Variants in THSD7A observed in about 807,000 individuals in gnomAD.
THSD7A encodes the protein thrombospondin type-1 domain-containing protein 7A.
In THSD7A, 96 loss-of-function variants were observed where a neutral mutation model predicts 231.3. The observed-to-expected ratio is 0.41, with a 90% CI of 0.35 to 0.49. The LOEUF is 0.49. Ranked by LOEUF, THSD7A falls within the 20% of genes least tolerant of loss-of-function variation. The pLI is 0.05. For missense variants in THSD7A, 2,290 were observed against 2,070.2 expected, an observed-to-expected ratio of 1.11 and a Z score of -2.06; for synonymous variants, 940 against 743.3, an observed-to-expected ratio of 1.26 and a Z score of -4.30.
intron 1 of THSD7A, among the ~76,000 whole-genome samples, chr7:11,806,903 A>G (rs1377531877): frequency 6.6e-6 from 1 of 152,050 alleles, no homozygotes; most frequent in Non-Finnish European, 1.5e-5. Context: ...TCCACTGCTA[A>G]CCTCAGACCT....
intron 17 of THSD7A, among the ~76,000 whole-genome samples, chr7:11,416,740 G>T (rs890796408): frequency 6.6e-6 from 1 of 152,116 alleles, no homozygotes; most frequent in South Asian, 2.1e-4. Context: ...GTTTTACAAA[G>T]GTGCCCATGG....
chr7:11,524,417 T>C (rs1416465893), intron 6 of THSD7A, among the ~76,000 whole-genome samples: 1 of 152,182 alleles, frequency 6.6e-6, no homozygotes, highest in Non-Finnish European at 1.5e-5. Flanking sequence ...CATGTACAGT[T>C]TTTAGAAAAA....
Position 11,373,262 on chromosome 7 carries a change from C to A in THSD7A, c.*2532G>T, listed in dbSNP as rs749163601. On this transcript the variant is annotated 3_prime_UTR_variant, in exon 28 of 28. Coordinates refer to ENST00000423059, the MANE Select transcript of THSD7A (RefSeq NM_015204.3). ...ATATAGCTTTAGTAGGTATTCTATC[C>A]CACATTTCAAAATTAATAGGTGTTG... 1.1e-4 allele frequency: 16 copies of A among 151,742 alleles called. No homozygotes were observed. Among genetic ancestry groups the A allele is most frequent in the Admixed American group, 2.0e-4 (3 of 15,220 alleles). 9.4% of individuals were successfully genotyped at this position (151,742 alleles called of 1,614,324 possible).
At chr7:11,750,818 T>C (rs1015674398) in intron 1 of THSD7A, among the ~76,000 whole-genome samples, 1 of 151,990 alleles carries the variant, frequency 6.6e-6, no homozygotes, top group African/African-American at 2.4e-5. Flanking sequence ...ATAGTAAAGA[T>C]ACTCCTGAGG....
At chr7:11,654,683 G>C (rs1416722694) in intron 1 of THSD7A, among the ~76,000 whole-genome samples, 4 of 151,822 alleles carry the variant, frequency 2.6e-5, no homozygotes, top group African/African-American at 9.7e-5. Context: ...AAATATATTA[G>C]TATTGGTTTA....
chr7:11,763,962 A>G (rs1782947496), intron 1 of THSD7A, among the ~76,000 whole-genome samples: 1 of 152,190 alleles, frequency 6.6e-6, no homozygotes, highest in Non-Finnish European at 1.5e-5. Flanking sequence ...AAAACTCTTA[A>G]AAGAACTCAA....
intron 1 of THSD7A, among the ~76,000 whole-genome samples, chr7:11,728,262 G>C (rs1275441935): frequency 6.6e-6 from 1 of 151,888 alleles, no homozygotes; most frequent in African/African-American, 2.4e-5. Context: ...CAGTTCATTT[G>C]GTATATATAC....
chr7:11,447,155 A>T, intron 12 of THSD7A, 75 bp downstream of exon 12: 2 of 1,401,404 alleles, frequency 1.4e-6, no homozygotes, highest in East Asian at 2.3e-5. Flanking sequence ...ACACTGTCAG[A>T]ATTCTCTCAG....
rs1271967216 is a variant in THSD7A at position 11,632,078 on chromosome 7, A to C, written c.1022+4052T>G. ...TCTGTTTGTATAAATATAATTTATT[A>C]TATTACTTGTTATCGTTATTACCAT... On this transcript the variant is annotated intron_variant, in intron 2 of 27. Transcript: ENST00000423059. This position sits in a 1 kb window ranked among gnomAD's most constrained non-coding sequence, Gnocchi z 4.1. Among the ~76,000 whole-genome samples the C allele has an allele frequency of 1.3e-5, 2 of 152,158 alleles. No homozygotes were observed. Among genetic ancestry groups the C allele is most frequent in the East Asian group, 3.9e-4 (2 of 5,192 alleles).
rs572307270 is a variant in THSD7A at position 11,496,325 on chromosome 7, T to C, written c.1823-14343A>G. On this transcript the variant is annotated intron_variant, in intron 6 of 27. Transcript: ENST00000423059. ...TCCCCTCTTAGTGTGAGAGACTAGC[T>C]TAATTTATTTGTCTTCTCTTGTGAT... 4.9e-4 allele frequency among the ~76,000 whole-genome samples: 74 copies of C among 152,324 alleles called. 2 individuals carry two copies. In the South Asian group the frequency reaches 0.015, roughly 31 times the overall value.
Position 11,406,571 on chromosome 7 carries a change from G to A in THSD7A, c.4063-97C>T. On this transcript the variant is annotated intron_variant, in intron 21 of 27. Coordinates refer to ENST00000423059, the MANE Select transcript of THSD7A (RefSeq NM_015204.3). The surrounding 1 kb of genome is among the most constrained non-coding windows in gnomAD (Gnocchi z 4.7). Reference sequence around the variant, plus strand: ...CTCTGCACCACTGACTTTGATTTATGAACATTTAGAGAAGGATTTGAAACC... The same window carrying A: ...CTCTGCACCACTGACTTTGATTTATAAACATTTAGAGAAGGATTTGAAACC... 1 of 1,291,634 alleles carries A rather than the reference G, an allele frequency of 7.7e-7. No homozygotes were observed. Among genetic ancestry groups the A allele is most frequent in the Non-Finnish European group, 1.0e-6 (1 of 957,900 alleles). 80.0% of individuals were successfully genotyped at this position (1,291,634 alleles called of 1,614,324 possible). A position where few individuals can be genotyped will look rare whatever the true frequency, so the allele number is the denominator to read the frequency against.
At chr7:11,613,663 A>G (rs1298042846) in intron 2 of THSD7A, among the ~76,000 whole-genome samples, 1 of 152,224 alleles carries the variant, frequency 6.6e-6, no homozygotes, top group Non-Finnish European at 1.5e-5. Context: ...TTAACTGGAT[A>G]CAATCACTTC....
At chr7:11,747,423 T>C (rs1409610641) in intron 1 of THSD7A, among the ~76,000 whole-genome samples, 1 of 151,984 alleles carries the variant, frequency 6.6e-6, no homozygotes, top group African/African-American at 2.4e-5. Flanking sequence ...AATTTGAGAA[T>C]ACCAAAATAC....
rs922246588 is a variant in THSD7A, at chr7:11,820,494, T to G, written c.190+11263A>C. 3 of 990,740 alleles carry G rather than the reference T, an allele frequency of 3.0e-6. No individual in the cohort carries two copies. In the African/African-American group the frequency reaches 4.9e-5, roughly 16 times the overall value. The allele number at this position is 990,740 out of a possible 1,614,324, so 61.4% of individuals were successfully genotyped here. On this transcript the variant is annotated intron_variant, in intron 1 of 27. Transcript: ENST00000423059. ...GAGGTCATCATGCAAGTAATACTTC[T>G]TGCTTTTGGGTGTGTAATCTAGGTC...
Position 11,479,166 on chromosome 7 carries a change from G to A in THSD7A, c.2017+2622C>T, listed in dbSNP as rs539307693. 4.1e-4 allele frequency among the ~76,000 whole-genome samples: 63 copies of A among 152,250 alleles called. 1 individual carries two copies. The South Asian group carries it at 0.013, about 31-fold the overall frequency. ...TTTCCATGAGGAAGAAGTAAATAAA[G>A]CTTTGTTCTTTAAGCTCCTGAATGT... On this transcript the variant is annotated intron_variant, in intron 7 of 27. Coordinates refer to ENST00000423059, the MANE Select transcript of THSD7A (RefSeq NM_015204.3).
intron 1 of THSD7A, among the ~76,000 whole-genome samples, chr7:11,771,509 C>T (rs1478728980): frequency 6.6e-6 from 1 of 151,764 alleles, no homozygotes; most frequent in Non-Finnish European, 1.5e-5. Context: ...ATAACAATCT[C>T]TAAGTTATGA....
chr7:11,831,653 T>A lies in THSD7A; in HGVS notation c.190+104A>T, dbSNP rs183161583. 1.3e-6 allele frequency: 1 copy of A among 790,916 alleles called. No individual in the cohort carries two copies. Among genetic ancestry groups the A allele is most frequent in the African/African-American group, 1.8e-5 (1 of 55,226 alleles). 49.0% of individuals were successfully genotyped at this position (790,916 alleles called of 1,614,324 possible). On this transcript the variant is annotated intron_variant, in intron 1 of 27. Transcript: ENST00000423059. The surrounding 1 kb of genome is among the most constrained non-coding windows in gnomAD (Gnocchi z 5.0). ...TACTTTTTACCTTAGGATACCAGCA[T>A]AACCAAGCCATCCAAAAGCACCGGG...
intron 7 of THSD7A, among the ~76,000 whole-genome samples, chr7:11,479,185 T>C (rs1262309918): frequency 1.3e-5 from 2 of 152,200 alleles, no homozygotes; most frequent in Non-Finnish European, 2.9e-5. Flanking sequence ...TTTAAGCTCC[T>C]GAATGTCTGG....
chr7:11,511,081 A>C (rs1787788494), intron 6 of THSD7A, among the ~76,000 whole-genome samples: 1 of 152,214 alleles, frequency 6.6e-6, no homozygotes, highest in African/African-American at 2.4e-5. Context: ...CAACTTCAGC[A>C]AAGTCTCAGG....
Sources: gnomAD v4.1 joint callset for allele counts (sites outside exome capture counted in the v4.1 genomes callset) on GRCh38, gnomAD v4.1.1 for gene constraint, Gnocchi (gnomAD v3.1) non-coding constraint, MANE v1.5 for transcripts, NCBI Gene and HGNC (gene_info 2026-07-23, HGNC 2026-07-21) for gene names.